Variants in AKR1E2 observed in about 807,000 individuals in gnomAD.
AKR1E2 encodes aldo-keto reductase family 1 member E2.
Under a neutral mutation model 41.9 loss-of-function variants are expected in AKR1E2, and 43 were observed. The ratio of observed to expected loss-of-function variants is 1.03; its 90% CI spans 0.80 to 1.32. The LOEUF is 1.32. AKR1E2 is among the 40% of genes most tolerant of loss of function. The pLI is 0.00. For missense variants in AKR1E2, 423 were observed against 396.5 expected, an observed-to-expected ratio of 1.07 and a Z score of -0.57; for synonymous variants, 121 against 138.9, an observed-to-expected ratio of 0.87 and a Z score of 0.91.
At chr10:4,827,496 G>A (rs1832635988) in intron 1 of AKR1E2, among the ~76,000 whole-genome samples, 1 of 141,404 alleles carries the variant, frequency 7.1e-6, no homozygotes, top group East Asian at 2.5e-4. Flanking sequence ...AGCCCCCAGC[G>A]TCTTATAACC....
upstream of AKR1E2, among the ~76,000 whole-genome samples, chr10:4,825,835 C>G (rs796420115): frequency 3.9e-5 from 6 of 152,360 alleles, no homozygotes; most frequent in African/African-American, 1.2e-4. Flanking sequence ...ACGGTGAAGA[C>G]TCTCTGCCCA....
At chr10:4,843,696 A>G (rs999599997) in intron 8 of AKR1E2, among the ~76,000 whole-genome samples, 2 of 152,232 alleles carry the variant, frequency 1.3e-5, no homozygotes, top group South Asian at 4.1e-4. Context: ...GCAGGTGGGC[A>G]TAGCCCTGCC....
At chr10:4,844,900 C>T (rs77340762) in intron 8 of AKR1E2, among the ~76,000 whole-genome samples, 5,311 of 152,332 alleles carry the variant, frequency 0.035, 150 homozygotes, top group East Asian at 0.11. Context: ...CTGCCAGTCC[C>T]GGGCGGTGTG....
rs1218770107 is a variant in AKR1E2 at position 4,835,585 on chromosome 10, G to A, written c.325-90G>A. The A allele has an allele frequency of 6.7e-6, 10 of 1,481,662 alleles. No homozygotes were observed. The Admixed American group carries it at 1.9e-4, about 28-fold the overall frequency. 91.8% of individuals were successfully genotyped at this position (1,481,662 alleles called of 1,614,324 possible). A position where few individuals can be genotyped will look rare whatever the true frequency, so the allele number is the denominator to read the frequency against. ...CAGGCTGGGGTTGCTTAGTGACAGG[G>A]CTGTGGCTTGGATGCAGGTCTCCTG... On this transcript the variant is annotated intron_variant, in intron 3 of 9. Coordinates refer to ENST00000298375, the MANE Select transcript of AKR1E2 (RefSeq NM_001040177.3).
chr10:4,857,518 G>A, the AKR1E2 span, among the ~76,000 whole-genome samples: 2 of 152,134 alleles, frequency 1.3e-5, no homozygotes. Flanking sequence ...TTGAGCAGAT[G>A]CCAGCATCAT....
At chr10:4,836,123 C>A (rs112034206) in intron 4 of AKR1E2, among the ~76,000 whole-genome samples, 1 of 152,072 alleles carries the variant, frequency 6.6e-6, no homozygotes, top group Admixed American at 6.5e-5. Context: ...CAGGAGAGTT[C>A]TTCTGCATTA....
intron 8 of AKR1E2, among the ~76,000 whole-genome samples, chr10:4,846,615 G>A (rs1427787011): frequency 2.0e-5 from 3 of 150,994 alleles, no homozygotes; most frequent in South Asian, 2.1e-4. Context: ...GTGCGATCTC[G>A]GCTCACTGCA....
rs756812782 is a variant in AKR1E2 at position 4,835,707 on chromosome 10, T to C, written c.357T>C (p.Ser119=). The stretch of plus-strand genomic sequence containing the variant: ...ATCCAGAATGGATCATGAGCTGCAG[T>C]GAACTTTCCTTCTGCCTCTCACATC... ...PPHPEWIMSC[S]ELSFCLSHPR... The change falls in exon 4 of 10, where the codon AGT becomes AGC. Residue 119 remains serine, a synonymous_variant. Coordinates refer to ENST00000298375, the MANE Select transcript of AKR1E2 (RefSeq NM_001040177.3). 4 of 1,614,176 alleles carry C rather than the reference T, an allele frequency of 2.5e-6. No homozygotes were observed. The highest frequency in any genetic ancestry group is 3.4e-6 in the Non-Finnish European group (4 of 1,180,032).
intron 5 of AKR1E2, among the ~76,000 whole-genome samples, chr10:4,838,968 G>T (rs1027992166): frequency 1.3e-5 from 2 of 152,184 alleles, no homozygotes. Context: ...CTCTCTTTTG[G>T]AGGCTTTCCA....
chr10:4,842,176 A>G (rs1833939694), intron 7 of AKR1E2, among the ~76,000 whole-genome samples: 1 of 152,106 alleles, frequency 6.6e-6, no homozygotes, highest in South Asian at 2.1e-4. Context: ...CTTTGTTCTA[A>G]TGTCCAGTGG....
In AKR1E2 at chr10:4,847,635, C is replaced by A; in HGVS notation, c.*105C>A. The stretch of plus-strand genomic sequence containing the variant: ...AGCGCCAGGGCAGCTGTGCCTGGGA[C>A]AGGAGCCACACAGTCAGAGGGGGAT... On this transcript the variant is annotated 3_prime_UTR_variant, in exon 10 of 10. Transcript: ENST00000298375. The A allele has an allele frequency of 2.3e-6, 3 of 1,329,422 alleles. No homozygotes were observed. Among genetic ancestry groups the A allele is most frequent in the Non-Finnish European group, 3.2e-6 (3 of 939,234 alleles). 82.4% of individuals were successfully genotyped at this position (1,329,422 alleles called of 1,614,324 possible). A position where few individuals can be genotyped will look rare whatever the true frequency, so the allele number is the denominator to read the frequency against.
chr10:4,830,869 A>G (rs1832918601), intron 2 of AKR1E2, 27 bp downstream of exon 2: 1 of 1,613,418 alleles, frequency 6.2e-7, no homozygotes, highest in East Asian at 2.2e-5. Context: ...CAAGGCTGGC[A>G]GAGCTTGGGT....
At chr10:4,845,428 GC>G (rs1010258856) in intron 8 of AKR1E2, among the ~76,000 whole-genome samples, 2 of 151,670 alleles carry the variant, frequency 1.3e-5, no homozygotes, top group African/African-American at 4.8e-5. Flanking sequence ...GGCAGAGGAG[GC>G]CCGGAGAGCT....
chr10:4,846,793 C>G (rs918292720), intron 8 of AKR1E2, among the ~76,000 whole-genome samples: 2 of 152,210 alleles, frequency 1.3e-5, no homozygotes, highest in African/African-American at 2.4e-5. Context: ...GTCTGCCCAT[C>G]TTGGCCTCCC....
At chr10:4,840,963 G>A (rs368832592) in intron 6 of AKR1E2, among the ~76,000 whole-genome samples, 6 of 152,154 alleles carry the variant, frequency 3.9e-5, no homozygotes, top group East Asian at 3.9e-4. Flanking sequence ...TGGGAACCCC[G>A]AAAAGGCTGA....
chr10:4,866,053 T>A, the AKR1E2 span, among the ~76,000 whole-genome samples: 3 of 152,208 alleles, frequency 2.0e-5, no homozygotes, highest in Non-Finnish European at 4.4e-5. Context: ...AGGACAGACG[T>A]GAAGTTTCTG....
the AKR1E2 span, among the ~76,000 whole-genome samples, chr10:4,854,373 T>G: frequency 6.6e-6 from 1 of 152,168 alleles, no homozygotes; most frequent in African/African-American, 2.4e-5. Flanking sequence ...ATTATAGGCA[T>G]GAGCCACCGC....
upstream of AKR1E2, among the ~76,000 whole-genome samples, chr10:4,825,532 C>T (rs1032445346): frequency 2.0e-5 from 3 of 152,144 alleles, no homozygotes; most frequent in Non-Finnish European, 2.9e-5. Flanking sequence ...ATGCAGGGCT[C>T]GGCCTCCCCT....
At chr10:4,858,720 C>G in the AKR1E2 span, among the ~76,000 whole-genome samples, 1 of 151,702 alleles carries the variant, frequency 6.6e-6, no homozygotes, top group East Asian at 1.9e-4. Flanking sequence ...AGCAATTCGT[C>G]GGCACAACCA....
Sources: gnomAD v4.1 joint callset for allele counts (sites outside exome capture counted in the v4.1 genomes callset) on GRCh38, gnomAD v4.1.1 for gene constraint, MANE v1.5 for transcripts, NCBI Gene and HGNC (gene_info 2026-07-23, HGNC 2026-07-21) for gene names.